C5orf58: variants seen among roughly 807,000 people sequenced by gnomAD.
C5orf58 encodes the protein putative uncharacterized protein C5orf58.
In C5orf58, 2 loss-of-function variants were observed where a neutral mutation model predicts 2.9. That is an observed-to-expected ratio of 0.69 (90% CI 0.28 to 2.18). The LOEUF is 2.18. Ranked by LOEUF, C5orf58 falls within the 30% of genes most tolerant of loss-of-function variation. C5orf58 has a pLI of 0.13. For missense variants in C5orf58, 96 were observed against 91.7 expected (o/e 1.05, Z -0.19); for synonymous variants, 37 against 33.4 (o/e 1.11, Z -0.37).
At chr5:170,249,168 G>A (rs1267079393), downstream of C5orf58, among the ~76,000 whole-genome samples, 1 of 151,852 alleles carries the variant, frequency 6.6e-6, no homozygotes, top group African/African-American at 2.4e-5. Flanking sequence ...CTAGAAAATA[G>A]AAAAATATTA....
At chr5:170,250,696 A>T (rs1761417096), downstream of C5orf58, 1 of 1,585,782 alleles carries the variant, frequency 6.3e-7, no homozygotes, top group African/African-American at 1.3e-5. Context: ...ATAAATAAAG[A>T]CTTTGGGAAA....
chr5:170,249,390 C>CTATATA (rs200081642), downstream of C5orf58, among the ~76,000 whole-genome samples: 1 of 141,282 alleles, frequency 7.1e-6, no homozygotes, highest in African/African-American at 2.7e-5. Flanking sequence ...ATCTACATAT[C>CTATATA]TATATATATA....
At chr5:170,233,832 G>T (rs1049103426) in intron 1 of C5orf58, 1 of 328,790 alleles carries the variant, frequency 3.0e-6, no homozygotes, top group East Asian at 8.7e-5. Flanking sequence ...CCACCCACGC[G>T]CTGGGTGCTC....
downstream of C5orf58, among the ~76,000 whole-genome samples, chr5:170,249,906 T>C (rs560662445): frequency 1.3e-5 from 2 of 152,360 alleles, no homozygotes; most frequent in Middle Eastern, 6.8e-3. Context: ...TGGACCAAGA[T>C]AAATCTTGAA....
chr5:170,246,520 A>G (rs1259598329), downstream of C5orf58: 1 of 159,074 alleles, frequency 6.3e-6, no homozygotes, highest in East Asian at 1.8e-4. Context: ...CAGGGATCCC[A>G]CTAATTTGTC....
At chr5:170,245,931 A>G in intron 3 of C5orf58, 31 bp from the exon 4 acceptor site, 2 of 1,590,926 alleles carry the variant, frequency 1.3e-6, no homozygotes, top group South Asian at 1.1e-5. Context: ...TATGTGCTAC[A>G]ATATAATATC....
At chr5:170,241,258 G>C (rs1019109545) in intron 3 of C5orf58, among the ~76,000 whole-genome samples, 18 of 152,136 alleles carry the variant, frequency 1.2e-4, no homozygotes, top group Non-Finnish European at 2.6e-4. Context: ...TGGTGATGCG[G>C]GCTCTTTTTT....
At position 170,233,000 on chromosome 5, in the gene C5orf58, T is replaced by C. The variant is rs1283097921; in HGVS notation, c.-92T>C. 3.0e-6 allele frequency: 3 copies of C among 984,516 alleles called. No homozygotes were observed. Among genetic ancestry groups the C allele is most frequent in the African/African-American group, 3.5e-5 (2 of 57,206 alleles). The allele number at this position is 984,516 out of a possible 1,614,324, so 61.0% of individuals were successfully genotyped here. ...GCTCCTGTCAGAACCTCGGTGACGG[T>C]TGGCCAGGTGGGTAGTGACGGCTGC... On this transcript the variant is annotated 5_prime_UTR_variant, in exon 1 of 4. Coordinates refer to ENST00000593851, the MANE Select transcript of C5orf58 (RefSeq NM_001102609.3).
At chr5:170,243,296 G>A (rs1761102594) in intron 3 of C5orf58, among the ~76,000 whole-genome samples, 2 of 140,660 alleles carry the variant, frequency 1.4e-5, no homozygotes. Flanking sequence ...TATTAGGTCC[G>A]CTTGGTGCAG....
At chr5:170,251,557 A>C (rs888908858) in intron 2 of C5orf58, 3 of 446,666 alleles carry the variant, frequency 6.7e-6, no homozygotes, top group African/African-American at 4.0e-5. Flanking sequence ...GACTCCTTTA[A>C]ACTACTCCCT....
chr5:170,239,569 A>G (rs1305922306), intron 3 of C5orf58, among the ~76,000 whole-genome samples: 2 of 152,072 alleles, frequency 1.3e-5, no homozygotes, highest in Non-Finnish European at 2.9e-5. Context: ...GGAGATTGGA[A>G]CTGCAGTTTT....
intron 3 of C5orf58, among the ~76,000 whole-genome samples, chr5:170,237,597 G>A (rs1760796206): frequency 6.6e-6 from 1 of 152,120 alleles, no homozygotes. Flanking sequence ...CCCTAAGCTG[G>A]CTGGGTAAAG....
intron 3 of C5orf58, 115 bp downstream of exon 3, chr5:170,235,185 T>G: frequency 1.7e-6 from 1 of 604,920 alleles, no homozygotes; most frequent in Non-Finnish European, 3.0e-6. Flanking sequence ...AGGATTTCTC[T>G]ATTTCTTAAC....
chr5:170,233,889 C>T (rs1011612766), intron 1 of C5orf58: 4 of 359,170 alleles, frequency 1.1e-5, no homozygotes, highest in Non-Finnish European at 2.2e-5. Flanking sequence ...GTCTTGGGCT[C>T]TAAAATCATT....
chr5:170,240,137 G>A (rs1259026443), intron 3 of C5orf58, among the ~76,000 whole-genome samples: 2 of 150,576 alleles, frequency 1.3e-5, no homozygotes, highest in Non-Finnish European at 3.0e-5. Flanking sequence ...AGTATTCCAT[G>A]GTGTATATGT....
At chr5:170,248,837 G>A (rs1034122430), downstream of C5orf58, 5 of 1,610,520 alleles carry the variant, frequency 3.1e-6, no homozygotes, top group South Asian at 4.4e-5. Flanking sequence ...AGTCAAGATA[G>A]GGAGATGAGT....
At chr5:170,236,866 A>G (rs1318982157) in intron 3 of C5orf58, among the ~76,000 whole-genome samples, 5 of 152,330 alleles carry the variant, frequency 3.3e-5, no homozygotes, top group Non-Finnish European at 7.3e-5. Context: ...ATCACCTGTT[A>G]TACTATTTTA....
At chr5:170,252,376 G>T, downstream of C5orf58, 3 of 1,002,768 alleles carry the variant, frequency 3.0e-6, no homozygotes, top group Non-Finnish European at 3.1e-6. Flanking sequence ...GGACAGGTCA[G>T]TTCCCTTCTC....
chr5:170,237,195 C>T (rs1422963421), intron 3 of C5orf58: 1 of 397,804 alleles, frequency 2.5e-6, no homozygotes, highest in Non-Finnish European at 4.4e-6. Context: ...TAGAGCTACG[C>T]TAGGAAGGTA....
Sources: allele counts gnomAD v4.1 joint callset (sites outside exome capture counted in the v4.1 genomes callset), GRCh38; gene constraint gnomAD v4.1.1; transcripts MANE v1.5; gene names NCBI Gene and HGNC (gene_info 2026-07-23, HGNC 2026-07-21).